PDLIM5: variants seen among roughly 807,000 people sequenced by gnomAD.
PDLIM5 encodes PDZ and LIM domain 5.
PDLIM5 carries 34 observed loss-of-function variants against 64.2 expected under a neutral mutation model. The ratio of observed to expected loss-of-function variants is 0.53; its 90% CI spans 0.40 to 0.71. The LOEUF (loss-of-function observed/expected upper bound fraction) is 0.71, where lower values mean the gene tolerates loss of function less well. PDLIM5 is among the 30% of genes least tolerant of loss of function. The pLI is 0.00. For synonymous variants in PDLIM5, 253 were observed against 269.1 expected (o/e 0.94, Z 0.59); for missense variants, 683 against 733.6 (o/e 0.93, Z 0.80).
chr4:94,482,145 C>A, intron 2 of PDLIM5, among the ~76,000 whole-genome samples: 1 of 150,960 alleles, frequency 6.6e-6, no homozygotes, highest in East Asian at 2.0e-4. Flanking sequence ...CAGAGTCTAG[C>A]ATATCATGTT....
At chr4:94,584,339 G>A (rs1275191618) in intron 5 of PDLIM5, 1 of 152,176 alleles carries the variant, frequency 6.6e-6, no homozygotes, top group Non-Finnish European at 1.5e-5. Flanking sequence ...ATATATCATA[G>A]TATTAAAATA....
intron 8 of PDLIM5, among the ~76,000 whole-genome samples, chr4:94,636,815 G>A (rs62316488): frequency 0.085 from 13,005 of 152,182 alleles, 619 homozygotes; most frequent in Non-Finnish European, 0.11. Flanking sequence ...GATTACAGGC[G>A]TGAGCCACCG....
At chr4:94,491,802 TGG>T (rs1726898037) in intron 2 of PDLIM5, among the ~76,000 whole-genome samples, 1 of 152,148 alleles carries the variant, frequency 6.6e-6, no homozygotes. Flanking sequence ...TCTATACTTA[TGG>T]AGTACAATGT....
chr4:94,570,918 A>T (rs539721614), intron 3 of PDLIM5, among the ~76,000 whole-genome samples: 2 of 152,350 alleles, frequency 1.3e-5, no homozygotes, highest in African/African-American at 4.8e-5. Flanking sequence ...TCACCAAGAC[A>T]TAATGAGTAA....
chr4:94,519,673 G>T (rs553940810), intron 2 of PDLIM5, among the ~76,000 whole-genome samples: 1 of 152,098 alleles, frequency 6.6e-6, no homozygotes, highest in Non-Finnish European at 1.5e-5. Flanking sequence ...GTTCATGCTT[G>T]GTAGATTATA....
chr4:94,551,473 T>A (rs1414623369), intron 3 of PDLIM5, among the ~76,000 whole-genome samples: 1 of 152,144 alleles, frequency 6.6e-6, no homozygotes, highest in African/African-American at 2.4e-5. Context: ...TTTATTGAGT[T>A]TAAAACGCTT....
intron 1 of PDLIM5, among the ~76,000 whole-genome samples, chr4:94,452,998 CT>C (rs576506415): frequency 2.7e-3 from 407 of 151,464 alleles, no homozygotes; most frequent in African/African-American, 8.8e-3. Flanking sequence ...AATTTCAGGC[CT>C]TTTTTTTTGT....
At chr4:94,587,855 A>G (rs1241732507) in intron 7 of PDLIM5, 2 of 844,682 alleles carry the variant, frequency 2.4e-6, no homozygotes, top group Non-Finnish European at 2.8e-6. Flanking sequence ...TATGGAAAAG[A>G]TAGCTTTGCT....
Position 94,640,639 on chromosome 4 carries a change from G to A in PDLIM5, c.1283+189G>A, listed in dbSNP as rs150768877. On this transcript the variant is annotated intron_variant, in intron 9 of 12. Transcript: ENST00000317968. ...AATCTATTTTAATGAAAGGTAATACGGAGGTCTGTGAAAATAAAAGTACTA... is the reference window on the plus strand; with the variant it reads ...AATCTATTTTAATGAAAGGTAATACAGAGGTCTGTGAAAATAAAAGTACTA... Among the ~76,000 whole-genome samples, 413 of 151,968 alleles carry A rather than the reference G, an allele frequency of 2.7e-3. 4 individuals are homozygous for A. The highest frequency in any genetic ancestry group is 9.2e-3 in the African/African-American group (380 of 41,450).
intron 3 of PDLIM5, among the ~76,000 whole-genome samples, chr4:94,565,876 T>G (rs1734275706): frequency 6.6e-6 from 1 of 152,192 alleles, no homozygotes; most frequent in South Asian, 2.1e-4. Context: ...ACTCTATAGA[T>G]AGGCAGATAT....
intron 3 of PDLIM5, among the ~76,000 whole-genome samples, chr4:94,542,902 A>G (rs1177682391): frequency 6.6e-6 from 1 of 152,232 alleles, no homozygotes; most frequent in Non-Finnish European, 1.5e-5. Flanking sequence ...TAAAAAATAT[A>G]CTTACTGGGG....
In PDLIM5 at chr4:94,523,711, A is replaced by G. The variant is rs1730031680; in HGVS notation, c.97-13A>G. On this transcript the variant is annotated splice_polypyrimidine_tract_variant and intron_variant, in intron 2 of 12. Transcript: ENST00000317968. ...CAAAGAGTGACACTCCTAATGAAAT[A>G]TATTTATTACAGCTAAAAGATGGCG... is the stretch of plus-strand genomic sequence containing the variant. 1 of 1,604,402 alleles carries G rather than the reference A, an allele frequency of 6.2e-7. No homozygotes were observed. The highest frequency in any genetic ancestry group is 8.5e-7 in the Non-Finnish European group (1 of 1,172,570).
chr4:94,557,309 C>G (rs1230181047), intron 3 of PDLIM5, among the ~76,000 whole-genome samples: 11 of 152,106 alleles, frequency 7.2e-5, no homozygotes, highest in African/African-American at 2.4e-4. Context: ...GTTACTATAG[C>G]CTTGTAGTAT....
chr4:94,542,809 C>T (rs1352888943), intron 3 of PDLIM5, among the ~76,000 whole-genome samples: 3 of 151,980 alleles, frequency 2.0e-5, no homozygotes. Flanking sequence ...TTAGCTGTAG[C>T]TAAATTAGTA....
intron 2 of PDLIM5, among the ~76,000 whole-genome samples, chr4:94,486,133 A>G (rs1443155118): frequency 6.6e-6 from 1 of 152,204 alleles, no homozygotes; most frequent in Non-Finnish European, 1.5e-5. Flanking sequence ...ACAGACCTGT[A>G]GCTTATCGTC....
intron 2 of PDLIM5, among the ~76,000 whole-genome samples, chr4:94,466,902 A>C (rs1419906959): frequency 6.6e-6 from 1 of 152,202 alleles, no homozygotes; most frequent in South Asian, 2.1e-4. Context: ...GTTAATACGG[A>C]ATGTTAGATT....
intron 2 of PDLIM5, among the ~76,000 whole-genome samples, chr4:94,482,962 AATT>A (rs1726004525): frequency 2.0e-5 from 3 of 152,160 alleles, no homozygotes; most frequent in African/African-American, 7.2e-5. Context: ...TAAGATTAAA[AATT>A]ATTAACTCTT....
At chr4:94,625,152 A>G (rs2110416584) in intron 8 of PDLIM5, among the ~76,000 whole-genome samples, 1 of 152,330 alleles carries the variant, frequency 6.6e-6, no homozygotes, top group Non-Finnish European at 1.5e-5. Context: ...CTCTCTGGGA[A>G]CTTGACTCCC....
At chr4:94,580,568 G>T (rs6845201) in intron 5 of PDLIM5, among the ~76,000 whole-genome samples, 39,370 of 151,926 alleles carry the variant, frequency 0.26, 5,547 homozygotes, top group East Asian at 0.38. Flanking sequence ...GGGGGAGAAT[G>T]GCGTTTGGAA....
Sources: allele counts gnomAD v4.1 joint callset (sites outside exome capture counted in the v4.1 genomes callset), GRCh38; gene constraint gnomAD v4.1.1; transcripts MANE v1.5; gene names NCBI Gene and HGNC (gene_info 2026-07-23, HGNC 2026-07-21).